ABR: variants seen among roughly 807,000 people sequenced by gnomAD.
The protein encoded by ABR is active breakpoint cluster region-related protein.
In ABR, 35 loss-of-function variants were observed where a neutral mutation model predicts 107.2. That is an observed-to-expected ratio of 0.33 (90% CI 0.25 to 0.43). The LOEUF (loss-of-function observed/expected upper bound fraction) is 0.43. ABR is among the 20% of genes least tolerant of loss of function. The pLI is 1.00. For missense variants in ABR, 815 were observed against 1,115.2 expected, an observed-to-expected ratio of 0.73 and a Z score of 3.83; for synonymous variants, 498 against 462.0, an observed-to-expected ratio of 1.08 and a Z score of -1.00.
At chr17:1,146,716 CT>C in intron 1 of ABR, among the ~76,000 whole-genome samples, 1 of 150,986 alleles carries the variant, frequency 6.6e-6, no homozygotes, top group South Asian at 2.1e-4. Context: ...ACCACTGCCA[CT>C]ACTGCCACCA....
chr17:1,171,930 CA>C (rs1236546708), intron 1 of ABR, among the ~76,000 whole-genome samples: 3 of 152,036 alleles, frequency 2.0e-5, no homozygotes, highest in Non-Finnish European at 4.4e-5. Context: ...AAATCTGTCT[CA>C]AAAAAATGAA....
At chr17:1,120,272 T>C (rs2039290556) in intron 2 of ABR, among the ~76,000 whole-genome samples, 1 of 151,822 alleles carries the variant, frequency 6.6e-6, no homozygotes, top group Non-Finnish European at 1.5e-5. Flanking sequence ...TTTTTCCTTT[T>C]TTTCTTTTTC....
At chr17:1,088,099 C>T (rs1352260053) in intron 4 of ABR, among the ~76,000 whole-genome samples, 2 of 152,166 alleles carry the variant, frequency 1.3e-5, no homozygotes, top group Non-Finnish European at 2.9e-5. Context: ...CCCCCGGGCC[C>T]TCCCAAATCT....
Position 1,010,124 on chromosome 17 carries a change from T to G in ABR, c.2237-340A>C. ...CTAAGGTTAAGCCAGTAGGGACATA[T>G]CCTGCCAGCGGTGGATTCTCTTTCT... On this transcript the variant is annotated intron_variant, in intron 20 of 22. Transcript: ENST00000302538. This position sits in a 1 kb window ranked among gnomAD's most constrained non-coding sequence, Gnocchi z 4.1. 2.9e-6 allele frequency: 1 copy of G among 348,050 alleles called. No individual in the cohort carries two copies. Among genetic ancestry groups the G allele is most frequent in the Non-Finnish European group, 5.4e-6 (1 of 185,928 alleles). 21.6% of individuals were successfully genotyped at this position (348,050 alleles called of 1,614,324 possible).
Position 1,179,702 on chromosome 17 carries a change from A to G in ABR, c.26T>C (p.Leu9Pro), listed in dbSNP as rs893842684. The change falls in exon 1 of 23, where the codon CTG (leucine) becomes CCG (proline). Residue 9 changes from leucine (L) to proline (P), a missense_variant. This residue lies in a region of ABR where 129 missense variants were observed against 124.8 expected (regional missense o/e 1.03). Coordinates refer to ENST00000302538, the MANE Select transcript of ABR (RefSeq NM_021962.5). The surrounding 1 kb of genome is among the most constrained non-coding windows in gnomAD (Gnocchi z 4.9). ...GGTGTCGATCCAGGACAGGCGCGGC[A>G]GGCCCCGGTGGCTGAGCGGCTCCAT... The part of the protein sequence containing the change: MEPLSHRG[L>P]PRLSWIDTLY... 9.7e-6 allele frequency: 15 copies of G among 1,552,526 alleles called. No individual in the cohort carries two copies. Among genetic ancestry groups the G allele is most frequent in the Non-Finnish European group, 1.2e-5 (14 of 1,148,872 alleles).
chr17:1,208,028 C>T (rs968266643), intron 1 of ABR, among the ~76,000 whole-genome samples: 2 of 152,154 alleles, frequency 1.3e-5, no homozygotes, highest in African/African-American at 4.8e-5. Context: ...GCTTCGGCCT[C>T]CCAAAGTGCT....
At position 1,206,344 on chromosome 17, in the gene ABR, C is replaced by T. The variant is rs377472032; in HGVS notation, c.838+22449G>A. Reference sequence around the variant, plus strand: ...TCACACAGGGTTTATCCCAGGAATACAAGCCTAGCTCAATATTAGACAATC... The same window carrying T: ...TCACACAGGGTTTATCCCAGGAATATAAGCCTAGCTCAATATTAGACAATC... On this transcript the variant is annotated intron_variant, in intron 1 of 22. Coordinates refer to the ABR transcript ENST00000574139. Among the ~76,000 whole-genome samples, 26 of 152,332 alleles carry T rather than the reference C, an allele frequency of 1.7e-4. No homozygotes were observed. The South Asian group carries it at 5.4e-3, about 32-fold the overall frequency.
intron 1 of ABR, among the ~76,000 whole-genome samples, chr17:1,227,706 C>T (rs1472429300): frequency 2.6e-5 from 4 of 152,154 alleles, no homozygotes; most frequent in African/African-American, 4.8e-5. Flanking sequence ...TTGACCCAAC[C>T]GGACACCACC....
chr17:1,181,518 T>C (rs149096415), upstream of ABR, among the ~76,000 whole-genome samples: 2,387 of 152,232 alleles, frequency 0.016, 35 homozygotes, highest in Non-Finnish European at 0.024. Flanking sequence ...TCCCTGCAGC[T>C]GTCACCCTCC....
chr17:1,013,804 G>T (rs1597366028), intron 16 of ABR, among the ~76,000 whole-genome samples: 1 of 152,318 alleles, frequency 6.6e-6, no homozygotes, highest in East Asian at 1.9e-4. Flanking sequence ...TCCTCCACAG[G>T]GGAAGTCCCC....
chr17:1,092,263 A>G lies in ABR; in HGVS notation c.346-413T>C, dbSNP rs2037081543. Among the ~76,000 whole-genome samples the G allele has an allele frequency of 6.6e-6, 1 of 152,172 alleles. No homozygotes were observed. The highest frequency in any genetic ancestry group is 2.4e-5 in the African/African-American group (1 of 41,430). ...AAGCCTATAGCTGTTTCCTTCCAAG[A>G]AACAGAATGTGGTTCTAGGACTCAG... On this transcript the variant is annotated intron_variant, in intron 3 of 22. Coordinates refer to ENST00000302538, the MANE Select transcript of ABR (RefSeq NM_021962.5). This position sits in a 1 kb window ranked among gnomAD's most constrained non-coding sequence, Gnocchi z 4.6.
intron 2 of ABR, among the ~76,000 whole-genome samples, chr17:1,118,366 C>T (rs1221680994): frequency 2.2e-4 from 5 of 22,254 alleles, no homozygotes; most frequent in African/African-American, 4.4e-4. Context: ...GCCTGAGTTC[C>T]TCCCAGCGTT....
chr17:1,021,809 C>T (rs1319565158), intron 16 of ABR, among the ~76,000 whole-genome samples: 1 of 147,984 alleles, frequency 6.8e-6, no homozygotes, highest in Admixed American at 6.7e-5. Context: ...AAAAAAAATG[C>T]TTCTTCACAA....
In ABR at chr17:1,084,036, G is replaced by T. The variant is rs2036436208; in HGVS notation, c.532-409C>A. On this transcript the variant is annotated intron_variant, in intron 4 of 22. Coordinates refer to ENST00000302538, the MANE Select transcript of ABR (RefSeq NM_021962.5). This position sits in a 1 kb window ranked among gnomAD's most constrained non-coding sequence, Gnocchi z 4.2. ...GAGAGGGGGGTGTGTGTGCTGGGGGGAGCTGGCACGTGTGGCCTGCTCAGG... is the reference window on the plus strand; with the variant it reads ...GAGAGGGGGGTGTGTGTGCTGGGGGTAGCTGGCACGTGTGGCCTGCTCAGG... 6.6e-6 allele frequency among the ~76,000 whole-genome samples: 1 copy of T among 152,136 alleles called. No homozygotes were observed. The highest frequency in any genetic ancestry group is 6.5e-5 in the Admixed American group (1 of 15,276).
At chr17:1,206,748 A>G (rs992946526) in intron 1 of ABR, among the ~76,000 whole-genome samples, 1 of 152,062 alleles carries the variant, frequency 6.6e-6, no homozygotes, top group Non-Finnish European at 1.5e-5. Context: ...CATGTCTCCA[A>G]AAATATTTTG....
At chr17:1,162,294 C>T (rs1376563629) in intron 1 of ABR, among the ~76,000 whole-genome samples, 5 of 152,218 alleles carry the variant, frequency 3.3e-5, no homozygotes, top group South Asian at 2.1e-4. Context: ...GTGGGACAGG[C>T]GTTTATCACC....
intron 16 of ABR, among the ~76,000 whole-genome samples, chr17:1,014,202 G>A (rs1302148514): frequency 6.6e-6 from 1 of 152,200 alleles, no homozygotes; most frequent in Non-Finnish European, 1.5e-5. Context: ...AGCACTTTGA[G>A]AGGCCAAGGC....
At position 1,007,210 on chromosome 17, in the gene ABR, G is replaced by A; in HGVS notation, c.2445C>T (p.His815=). The change falls in exon 22 of 23, where the codon CAC becomes CAT. Residue 815 remains histidine, a synonymous_variant. Transcript: ENST00000302538. ...LRPSEVESKA[H]LTSAADIWSH... ...ACCAGATGTCCGCAGCCGAGGTGAG[G>A]TGTGCTTTGCTCTCCACTTCTGAGG... The A allele has an allele frequency of 6.2e-7, 1 of 1,614,068 alleles. No homozygotes were observed. Among genetic ancestry groups the A allele is most frequent in the Non-Finnish European group, 8.5e-7 (1 of 1,179,990 alleles).
At chr17:1,117,750 T>C (rs2039089146) in intron 2 of ABR, among the ~76,000 whole-genome samples, 1 of 77,062 alleles carries the variant, frequency 1.3e-5, no homozygotes, top group Admixed American at 1.4e-4. Context: ...ACCCTGAGCC[T>C]GAGTTCCTCC....
Sources: allele counts gnomAD v4.1 joint callset (sites outside exome capture counted in the v4.1 genomes callset), GRCh38; gene constraint gnomAD v4.1.1; regional missense constraint gnomAD v4.1.1; non-coding constraint Gnocchi (gnomAD v3.1); transcripts MANE v1.5; gene names NCBI Gene and HGNC (gene_info 2026-07-23, HGNC 2026-07-21).